Variants in PKHD1L1 observed in about 807,000 individuals in gnomAD.
PKHD1L1 encodes PKHD1 like 1, also known as fibrocystin-L.
PKHD1L1 carries 434 observed loss-of-function variants against 462.9 expected under a neutral mutation model. The ratio of observed to expected loss-of-function variants is 0.94; its 90% CI spans 0.87 to 1.02. The LOEUF is 1.02. Among genes scored for constraint, PKHD1L1 ranks in the 50% least tolerant of loss-of-function variants. The pLI, the probability that PKHD1L1 is intolerant of heterozygous loss-of-function variation, is 0.00. For missense variants in PKHD1L1, 5,202 were observed against 5,096.1 expected, an observed-to-expected ratio of 1.02 and a Z score of -0.63; for synonymous variants, 1,781 against 1,750.0, an observed-to-expected ratio of 1.02 and a Z score of -0.44.
At chr8:109,406,257 C>A in intron 16 of PKHD1L1, 78 bp from the exon 17 acceptor site, 1 of 1,354,178 alleles carries the variant, frequency 7.4e-7, no homozygotes. Flanking sequence ...AAATACGAGA[C>A]ATCAGTGTTG....
intron 76 of PKHD1L1, among the ~76,000 whole-genome samples, chr8:109,526,564 A>G (rs918950917): frequency 5.3e-5 from 8 of 152,192 alleles, no homozygotes; most frequent in Non-Finnish European, 1.2e-4. Context: ...AAATCTACCC[A>G]GCTTCCCTGT....
At chr8:109,391,900 A>T (rs1363958631) in intron 9 of PKHD1L1, among the ~76,000 whole-genome samples, 1 of 152,242 alleles carries the variant, frequency 6.6e-6, no homozygotes, top group African/African-American at 2.4e-5. Context: ...CGGTGTCATT[A>T]TAACAAATTG....
chr8:109,496,816 G>A (rs762560653), intron 63 of PKHD1L1, 103 bp from the exon 64 acceptor site: 5 of 1,236,432 alleles, frequency 4.0e-6, no homozygotes, highest in Admixed American at 2.3e-5. Flanking sequence ...AATTATGTAT[G>A]TAATTTTGAA....
At chr8:109,487,188 A>G (rs995272358) in intron 59 of PKHD1L1, among the ~76,000 whole-genome samples, 7 of 151,962 alleles carry the variant, frequency 4.6e-5, no homozygotes, top group Non-Finnish European at 7.4e-5. Flanking sequence ...ATGAATCCCA[A>G]TGTACTAATC....
rs376680487 is a variant in PKHD1L1 at position 109,406,335 on chromosome 8, T to C, written c.1670T>C (p.Val557Ala). 10 of 1,543,852 alleles carry C rather than the reference T, an allele frequency of 6.5e-6. No homozygotes were observed. Among genetic ancestry groups the C allele is most frequent in the South Asian group, 3.6e-5 (3 of 82,312 alleles). The part of the protein sequence containing the change: ...YRLIYNMEKT[V>A]FLPADASEFI... ...TTTGTTTGTTTTAATCCAATCAAAG[T>C]CTTCCTACCTGCTGATGCTTCTGAA... Residue 557 changes from valine (V) to alanine (A), a missense_variant and splice_region_variant, in exon 17 of 78, where the codon GTC becomes GCC. Physicochemically the swap from Val to Ala is moderately conservative, Grantham distance 64. Around this residue, in one of 3 missense-constraint regions of PKHD1L1, gnomAD observed 4,497 missense variants for 4,336.8 expected, o/e 1.04. Transcript: ENST00000378402.
At chr8:109,438,118 T>C (rs1346953914) in intron 30 of PKHD1L1, among the ~76,000 whole-genome samples, 1 of 152,160 alleles carries the variant, frequency 6.6e-6, no homozygotes, top group Non-Finnish European at 1.5e-5. Flanking sequence ...ATAAAACTAC[T>C]ATGTCATGTA....
chr8:109,439,971 T>C (rs893086847), intron 32 of PKHD1L1, among the ~76,000 whole-genome samples: 3 of 152,118 alleles, frequency 2.0e-5, no homozygotes, highest in African/African-American at 7.2e-5. Context: ...CTATATTGGC[T>C]TATGCTGTAG....
chr8:109,489,904 T>C, intron 59 of PKHD1L1, 48 bp from the exon 60 acceptor site: 2 of 1,153,398 alleles, frequency 1.7e-6, no homozygotes, highest in Non-Finnish European at 2.6e-6. Flanking sequence ...AAATGTTTTA[T>C]TCCAACTGTT....
rs1334152863 is a variant in PKHD1L1 at position 109,404,644 on chromosome 8, A to G, written c.1464A>G (p.Gln488=). The G allele has an allele frequency of 6.2e-7, 1 of 1,608,762 alleles. No homozygotes were observed. Among genetic ancestry groups the G allele is most frequent in the East Asian group, 2.2e-5 (1 of 44,612 alleles). ...AGTATCGAAATGTTTATACTGAACA[A>G]CAAACAGGAGATGCAGTGAATGAAG... ...LYQYRNVYTE[Q]QTGDAVNEEQ... is the part of the protein sequence containing the mutation. Residue 488 remains glutamine (Q), a synonymous_variant, in exon 15 of 78, where the codon CAA becomes CAG. Transcript: ENST00000378402.
At chr8:109,524,507 C>T (rs1274653337) in intron 76 of PKHD1L1, among the ~76,000 whole-genome samples, 1 of 152,114 alleles carries the variant, frequency 6.6e-6, no homozygotes, top group African/African-American at 2.4e-5. Context: ...TGCTCACCTC[C>T]TCATGAGGGT....
intron 49 of PKHD1L1, 80 bp from the exon 50 acceptor site, chr8:109,466,498 T>C: frequency 7.3e-7 from 1 of 1,362,618 alleles, no homozygotes; most frequent in Non-Finnish European, 9.8e-7. Context: ...GTACTATGGG[T>C]CACAATTCTG....
rs373886765 is a variant in PKHD1L1, at chr8:109,400,091, A to G, written c.1028A>G (p.Lys343Arg). 3.7e-6 allele frequency: 6 copies of G among 1,612,712 alleles called. No homozygotes were observed. Among genetic ancestry groups the G allele is most frequent in the Non-Finnish European group, 5.1e-6 (6 of 1,179,140 alleles). The change falls in exon 13 of 78, where the codon AAG (lysine) becomes AGG (arginine). Residue 343 changes from lysine to arginine, a missense_variant. Lys to Arg is a conservative substitution (Grantham distance 26). Around this residue, in one of 3 missense-constraint regions of PKHD1L1, gnomAD observed 4,497 missense variants for 4,336.8 expected, o/e 1.04. Coordinates refer to ENST00000378402, the MANE Select transcript of PKHD1L1 (RefSeq NM_177531.6). ...TTACACTTAGGAGGGAGAGGCCTGA[A>G]GCTTGAGGTGTGGAATAATAGCCGT... ...KTVYPGGRGL[K>R]LEVWNNSRPI...
Position 109,440,859 on chromosome 8 carries a change from G to A in PKHD1L1, c.4099+7G>A, listed in dbSNP as rs759609687. ...GAGAATACCGTGCTGTTAGGTAAGAGCTTCATTCATAGGAAAGTGATTATC... is the reference window on the plus strand; with the variant it reads ...GAGAATACCGTGCTGTTAGGTAAGAACTTCATTCATAGGAAAGTGATTATC... On this transcript the variant is annotated splice_region_variant and intron_variant, in intron 33 of 77. Coordinates refer to ENST00000378402, the MANE Select transcript of PKHD1L1 (RefSeq NM_177531.6). 3 of 1,610,536 alleles carry A rather than the reference G, an allele frequency of 1.9e-6. No homozygotes were observed. The highest frequency in any genetic ancestry group is 2.5e-6 in the Non-Finnish European group (3 of 1,178,128).
At position 109,420,594 on chromosome 8, in the gene PKHD1L1, A is replaced by G; in HGVS notation, c.2601A>G (p.Lys867=). 1 of 1,610,498 alleles carries G rather than the reference A, an allele frequency of 6.2e-7. No individual in the cohort carries two copies. Among genetic ancestry groups the G allele is most frequent in the Non-Finnish European group, 8.5e-7 (1 of 1,178,268 alleles). The change falls in exon 23 of 78, where the codon AAA becomes AAG. Residue 867 remains lysine, a synonymous_variant. Coordinates refer to ENST00000378402, the MANE Select transcript of PKHD1L1 (RefSeq NM_177531.6). ...AGCACTTTCAGGTGAATCAGACCAA[A>G]ACAAATGGGCCAACTATGACAAACC... The part of the protein sequence containing the change: ...FLEHFQVNQT[K]TNGPTMTNQY...
rs777383642 is a variant in PKHD1L1 at position 109,400,079 on chromosome 8, G to A, written c.1016G>A (p.Gly339Glu). ...PHILKTVYPG[G>E]RGLKLEVWNN... ...TATTTTATTTCATTACACTTAGGAG[G>A]GAGAGGCCTGAAGCTTGAGGTGTGG... is the stretch of plus-strand genomic sequence containing the variant. Residue 339 changes from glycine (G) to glutamate (E), a missense_variant, in exon 13 of 78, where the codon GGG becomes GAG. Around this residue, in one of 3 missense-constraint regions of PKHD1L1, gnomAD observed 4,497 missense variants for 4,336.8 expected, o/e 1.04. Coordinates refer to ENST00000378402, the MANE Select transcript of PKHD1L1 (RefSeq NM_177531.6). 4 of 1,609,254 alleles carry A rather than the reference G, an allele frequency of 2.5e-6. No individual in the cohort carries two copies. Among genetic ancestry groups the A allele is most frequent in the Non-Finnish European group, 3.4e-6 (4 of 1,177,234 alleles).
chr8:109,395,635 T>C (rs1466819713), intron 10 of PKHD1L1, among the ~76,000 whole-genome samples: 1 of 152,224 alleles, frequency 6.6e-6, no homozygotes, highest in Non-Finnish European at 1.5e-5. Context: ...GTTAAATGTG[T>C]TACTCTAAAA....
intron 67 of PKHD1L1, chr8:109,499,037 T>C (rs1819269594): frequency 2.6e-6 from 1 of 388,880 alleles, no homozygotes. Flanking sequence ...TAATATTAAT[T>C]TGTATAATTT....
In PKHD1L1 at chr8:109,403,163, C is replaced by T. The variant is rs117194399; in HGVS notation, c.1374-1391C>T. Reference sequence around the variant, plus strand: ...GGTATCTGTGCTCCTGCAAAACCAGCTTGGAATTTACATACTGTGCTTACA... The same window carrying T: ...GGTATCTGTGCTCCTGCAAAACCAGTTTGGAATTTACATACTGTGCTTACA... On this transcript the variant is annotated intron_variant, in intron 14 of 77. Transcript: ENST00000378402. Among the ~76,000 whole-genome samples, 984 of 152,288 alleles carry T rather than the reference C, an allele frequency of 6.5e-3. 7 individuals carry two copies. The highest frequency in any genetic ancestry group is 0.051 in the Middle Eastern group (15 of 294).
chr8:109,398,700 A>C (rs916961958), intron 12 of PKHD1L1, among the ~76,000 whole-genome samples, 152 bp downstream of exon 12: 2 of 152,156 alleles, frequency 1.3e-5, no homozygotes, highest in Non-Finnish European at 2.9e-5. Flanking sequence ...TTTCTGGATT[A>C]GAAAATATTT....
Sources: allele counts gnomAD v4.1 joint callset (sites outside exome capture counted in the v4.1 genomes callset), GRCh38; gene constraint gnomAD v4.1.1; regional missense constraint gnomAD v4.1.1; transcripts MANE v1.5; gene names NCBI Gene and HGNC (gene_info 2026-07-23, HGNC 2026-07-21).